RPAP1: variants seen among roughly 807,000 people sequenced by gnomAD.
RPAP1 encodes RNA polymerase II-associated protein 1.
A neutral mutation model predicts 142.4 loss-of-function variants in RPAP1; 109 were observed. That is an observed-to-expected ratio of 0.77 (90% confidence interval 0.66 to 0.90). The LOEUF is 0.90. Ranked by LOEUF, RPAP1 falls within the 40% of genes least tolerant of loss-of-function variation. The probability of loss-of-function intolerance (pLI) is 0.00; values close to 1 mark genes in which losing one functional copy is unlikely to be tolerated. For synonymous variants in RPAP1, 704 were observed against 738.9 expected, an observed-to-expected ratio of 0.95 and a Z score of 0.77; for missense variants, 1,546 against 1,751.7, an observed-to-expected ratio of 0.88 and a Z score of 2.10.
chr15:41,530,891 C>T (rs1270392799), intron 7 of RPAP1, 132 bp downstream of exon 7: 3 of 856,826 alleles, frequency 3.5e-6, no homozygotes, highest in Admixed American at 4.7e-5. Flanking sequence ...TGACTTGAAG[C>T]CAATAATGAG....
intron 16 of RPAP1, 33 bp from the exon 17 acceptor site, chr15:41,524,005 ATCT>A (rs747329063): frequency 6.2e-7 from 1 of 1,612,448 alleles, no homozygotes; most frequent in South Asian, 1.1e-5. Flanking sequence ...CACAGTGAGG[ATCT>A]GGCTGCCTCA....
chr15:41,524,557 C>G lies in RPAP1; in HGVS notation c.2076-303G>C, dbSNP rs191948436. Among the ~76,000 whole-genome samples the G allele has an allele frequency of 4.0e-4, 60 of 149,278 alleles. 1 individual carries two copies. Among genetic ancestry groups the G allele is most frequent in the African/African-American group, 1.4e-3 (55 of 40,150 alleles). ...ATGGAGTGATCTCGGCTCACTGCAA[C>G]CTCTGCCTCCCAGGTTAAACCGGTT... On this transcript the variant is annotated intron_variant, in intron 15 of 24. Transcript: ENST00000304330.
rs754985316 is a variant in RPAP1, at chr15:41,522,776, G to T, written c.2731C>A (p.Leu911Met). The change falls in exon 19 of 25, where the codon CTG becomes ATG. Residue 911 changes from leucine (L) to methionine (M), a missense_variant. Transcript: ENST00000304330. ...LNTLAQIHKG[L>M]CGQLAAILAA... The stretch of plus-strand genomic sequence containing the variant: ...CACCCCACACTTACCTGGCCACACA[G>T]CCCCTTGTGGATCTGGGCCAGGGTA... 6.7e-7 allele frequency: 1 copy of T among 1,481,858 alleles called. No individual in the cohort carries two copies. The allele number at this position is 1,481,858 out of a possible 1,614,324, so 91.8% of individuals were successfully genotyped here.
At chr15:41,544,006 T>A (rs1394185004) in intron 1 of RPAP1, 1 of 152,240 alleles carries the variant, frequency 6.6e-6, no homozygotes. Flanking sequence ...TTAAGCCTCC[T>A]GGACCACCCA....
chr15:41,537,569 G>T (rs937454026), intron 1 of RPAP1, among the ~76,000 whole-genome samples: 2 of 152,112 alleles, frequency 1.3e-5, no homozygotes, highest in Non-Finnish European at 2.9e-5. Context: ...AAAACCTTGG[G>T]CTGTAAAATA....
chr15:41,531,081 G>C lies in RPAP1; in HGVS notation c.885C>G (p.Leu295=). The C allele has an allele frequency of 1.2e-6, 2 of 1,613,998 alleles. No individual in the cohort carries two copies. Among genetic ancestry groups the C allele is most frequent in the Non-Finnish European group, 1.7e-6 (2 of 1,179,944 alleles). Residue 295 remains leucine (L), a synonymous_variant, in exon 7 of 25, where the codon CTC becomes CTG. Coordinates refer to ENST00000304330, the MANE Select transcript of RPAP1 (RefSeq NM_015540.4). ...PSANVTKEEP[L]MSAFASEPRK... is the part of the protein sequence containing the mutation. Reference sequence around the variant, plus strand: ...TGGGCTCACTGGCAAAAGCTGACATGAGGGGTTCCTCCTTGGTGACATTAG... The same window carrying C: ...TGGGCTCACTGGCAAAAGCTGACATCAGGGGTTCCTCCTTGGTGACATTAG...
intron 9 of RPAP1, 39 bp from the exon 10 acceptor site, chr15:41,528,375 A>G: frequency 2.8e-6 from 4 of 1,407,326 alleles, no homozygotes; most frequent in African/African-American, 1.4e-5. Context: ...GCCAGGATAC[A>G]GCACAGTGCC....
intron 5 of RPAP1, 123 bp downstream of exon 5, chr15:41,535,389 C>CA: frequency 7.3e-7 from 1 of 1,373,732 alleles, no homozygotes; most frequent in Non-Finnish European, 9.8e-7. Context: ...CTAGTATTCT[C>CA]AGACTACTTG....
rs147507787 is a variant in RPAP1, at chr15:41,522,937, G to A, written c.2570C>T (p.Pro857Leu). The change falls in exon 19 of 25, where the codon CCG becomes CTG. Residue 857 changes from proline (P) to leucine (L), a missense_variant. This residue lies in a region of RPAP1 where 1,333 missense variants were observed against 1,486.6 expected (regional missense o/e 0.90). Transcript: ENST00000304330. ...SLRHCSLLCNPLSCVPALEAP... is the reference protein window; with the variant it reads ...SLRHCSLLCNLLSCVPALEAP... ...TTCAAGGGCTGGCACACAGGACAGC[G>A]GGTTGCAGAGAAGGGAGCAGTGCCT... 102 of 1,552,522 alleles carry A rather than the reference G, an allele frequency of 6.6e-5. No homozygotes were observed. The East Asian group carries it at 1.4e-3, about 22-fold the overall frequency.
chr15:41,517,736 G>A (rs1424524147), intron 24 of RPAP1, 45 bp from the exon 25 acceptor site: 1 of 1,613,850 alleles, frequency 6.2e-7, no homozygotes, highest in African/African-American at 1.3e-5. Context: ...ATGAGATCCT[G>A]TTGTGGTCTC....
intron 3 of RPAP1, 45 bp from the exon 4 acceptor site, chr15:41,536,263 T>G (rs1215102050): frequency 6.6e-7 from 1 of 1,526,550 alleles, no homozygotes; most frequent in Non-Finnish European, 9.0e-7. Context: ...TGGAGAAACT[T>G]CCCCAGGCTG....
At chr15:41,530,791 C>T (rs2051838976) in intron 7 of RPAP1, among the ~76,000 whole-genome samples, 2 of 152,148 alleles carry the variant, frequency 1.3e-5, no homozygotes, top group Non-Finnish European at 2.9e-5. Flanking sequence ...GCATTGCTGC[C>T]TCTTAAAAGG....
chr15:41,526,834 G>A, intron 14 of RPAP1, 64 bp downstream of exon 14: 1 of 1,488,052 alleles, frequency 6.7e-7, no homozygotes, highest in Non-Finnish European at 9.1e-7. Flanking sequence ...CAGGAGCCAT[G>A]TTTAGCTCCC....
At chr15:41,524,324 C>T in intron 15 of RPAP1, 70 bp from the exon 16 acceptor site, 1 of 1,371,000 alleles carries the variant, frequency 7.3e-7, no homozygotes, top group Non-Finnish European at 9.7e-7. Flanking sequence ...GGTCATGGCC[C>T]TGACCCAGGG....
rs568908311 is a variant in RPAP1 at position 41,527,018 on chromosome 15, G to A, written c.1797C>T (p.Pro599=). 48 of 1,614,094 alleles carry A rather than the reference G, an allele frequency of 3.0e-5. No individual in the cohort carries two copies. The Middle Eastern group carries it at 4.9e-4, about 17-fold the overall frequency. ...LIETIVREFL[P]TSWSPVGAGP... Reference sequence around the variant, plus strand: ...CTGCCCCCACAGGAGACCAACTGGTGGGCAAGAACTCTCGAACTATAGTCT... The same window carrying A: ...CTGCCCCCACAGGAGACCAACTGGTAGGCAAGAACTCTCGAACTATAGTCT... Residue 599 remains proline (P), a synonymous_variant, in exon 14 of 25, where the codon CCC becomes CCT. Transcript: ENST00000304330.
In RPAP1 at chr15:41,522,602, C is replaced by T. The variant is rs371537545; in HGVS notation, c.2742+163G>A. 9 of 607,022 alleles carry T rather than the reference C, an allele frequency of 1.5e-5. No homozygotes were observed. The East Asian group carries it at 2.2e-4, about 15-fold the overall frequency. The allele number at this position is 607,022 out of a possible 1,614,324, so 37.6% of individuals were successfully genotyped here. A position where few individuals can be genotyped will look rare whatever the true frequency, so the allele number is the denominator to read the frequency against. ...ATGGGGTTTCTCCATGTTGGCCAGGCTGGTCTCGAACTCCCGACCTCAGGT... is the reference window on the plus strand; with the variant it reads ...ATGGGGTTTCTCCATGTTGGCCAGGTTGGTCTCGAACTCCCGACCTCAGGT... On this transcript the variant is annotated intron_variant, in intron 19 of 24. Transcript: ENST00000304330.
At chr15:41,518,525 T>C (rs2051691355) in intron 22 of RPAP1, 6 of 175,182 alleles carry the variant, frequency 3.4e-5, no homozygotes, top group Non-Finnish European at 5.9e-5. Flanking sequence ...CTACCGAAAA[T>C]ACAAAAATTA....
intron 1 of RPAP1, among the ~76,000 whole-genome samples, chr15:41,537,652 A>T (rs1440326983): frequency 2.6e-5 from 4 of 151,558 alleles, no homozygotes; most frequent in African/African-American, 7.3e-5. Context: ...AAGGCCGAGG[A>T]GGGTGGGTCA....
In RPAP1 at chr15:41,517,636, C is replaced by T. The variant is rs2051678606; in HGVS notation, c.4088G>A (p.Gly1363Asp). 6.2e-7 allele frequency: 1 copy of T among 1,612,446 alleles called. No homozygotes were observed. The highest frequency in any genetic ancestry group is 1.1e-5 in the South Asian group (1 of 90,830). Residue 1363 changes from glycine (G) to aspartate (D), a missense_variant, in exon 25 of 25, where the codon GGC becomes GAC. Coordinates refer to ENST00000304330, the MANE Select transcript of RPAP1 (RefSeq NM_015540.4). ...YKLPNSTLPEGFELYSQLPPL... is the reference protein window; with the variant it reads ...YKLPNSTLPEDFELYSQLPPL... The stretch of plus-strand genomic sequence containing the variant: ...GGGCAACTGAGAATAGAGCTCAAAG[C>T]CCTCTGGGAGCGTGGAATTGGGAAG...
Sources: allele counts gnomAD v4.1 joint callset (sites outside exome capture counted in the v4.1 genomes callset), GRCh38; gene constraint gnomAD v4.1.1; regional missense constraint gnomAD v4.1.1; transcripts MANE v1.5; gene names NCBI Gene and HGNC (gene_info 2026-07-23, HGNC 2026-07-21).